ZNF382: variants seen among roughly 807,000 people sequenced by gnomAD.
The protein encoded by ZNF382 is KRAB/zinc finger suppressor protein 1.
In ZNF382, 20 loss-of-function variants were observed where a neutral mutation model predicts 38.8. The observed-to-expected ratio is 0.51, with a 90% CI of 0.36 to 0.75. The LOEUF is 0.75. Among genes scored for constraint, ZNF382 ranks in the 30% least tolerant of loss-of-function variants. The pLI, the probability that ZNF382 is intolerant of heterozygous loss-of-function variation, is 0.00. For synonymous variants in ZNF382, 202 were observed against 223.1 expected, an observed-to-expected ratio of 0.91 and a Z score of 0.84; for missense variants, 546 against 654.1, an observed-to-expected ratio of 0.83 and a Z score of 1.80.
chr19:36,628,161 T>C lies in ZNF382; in HGVS notation c.*611T>C, dbSNP rs917914248. The stretch of plus-strand genomic sequence containing the variant: ...TGTGGCAGAAGTTTATTTATTTTTA[T>C]CCAGTATAGAATTCAATTATATGAT... On this transcript the variant is annotated 3_prime_UTR_variant, in exon 5 of 5. Coordinates refer to ENST00000292928, the MANE Select transcript of ZNF382 (RefSeq NM_032825.5). 1 of 152,384 alleles carries C rather than the reference T, an allele frequency of 6.6e-6. No homozygotes were observed. Among genetic ancestry groups the C allele is most frequent in the African/African-American group, 2.4e-5 (1 of 41,450 alleles). The allele number at this position is 152,384 out of a possible 1,614,324, so 9.4% of individuals were successfully genotyped here. A position where few individuals can be genotyped will look rare whatever the true frequency, so the allele number is the denominator to read the frequency against.
rs898110581 is a variant in ZNF382, at chr19:36,630,158, C to T, written c.*2608C>T. On this transcript the variant is annotated 3_prime_UTR_variant, in exon 5 of 5. Coordinates refer to ENST00000292928, the MANE Select transcript of ZNF382 (RefSeq NM_032825.5). ...GGCAGTAAATCATATTCATCATATA[C>T]TTCCCAATTTTGCACACACAAAAAA... The T allele has an allele frequency of 6.6e-6, 1 of 152,016 alleles. No individual in the cohort carries two copies. The highest frequency in any genetic ancestry group is 2.4e-5 in the African/African-American group (1 of 41,376). 9.4% of individuals were successfully genotyped at this position (152,016 alleles called of 1,614,324 possible).
intron 4 of ZNF382, among the ~76,000 whole-genome samples, chr19:36,619,306 AT>A (rs1253914242): frequency 6.6e-6 from 1 of 152,232 alleles, no homozygotes; most frequent in African/African-American, 2.4e-5. Flanking sequence ...CAAAGAAGCC[AT>A]CTCTACCTTT....
intron 4 of ZNF382, among the ~76,000 whole-genome samples, chr19:36,619,330 AG>A (rs1432560948): frequency 6.6e-6 from 1 of 152,176 alleles, no homozygotes; most frequent in Non-Finnish European, 1.5e-5. Flanking sequence ...GGCTGAGTGA[AG>A]GGGGTTGTGA....
chr19:36,610,622 G>C, intron 3 of ZNF382, 28 bp from the exon 4 acceptor site: 1 of 1,590,716 alleles, frequency 6.3e-7, no homozygotes, highest in South Asian at 1.1e-5. Flanking sequence ...AAACAGCTTA[G>C]ACCAAAAGTC....
At chr19:36,621,619 A>AC (rs1568630792) in intron 4 of ZNF382, among the ~76,000 whole-genome samples, 2 of 147,936 alleles carry the variant, frequency 1.4e-5, no homozygotes, top group African/African-American at 5.1e-5. Flanking sequence ...CACACACACA[A>AC]AATACAAATA....
intron 4 of ZNF382, among the ~76,000 whole-genome samples, chr19:36,614,012 C>A (rs1324739005): frequency 1.3e-5 from 2 of 152,212 alleles, no homozygotes; most frequent in East Asian, 3.9e-4. Context: ...GTCTGGAAGT[C>A]AGTTAGCGTA....
At chr19:36,614,299 C>T (rs1214437285) in intron 4 of ZNF382, among the ~76,000 whole-genome samples, 2 of 152,120 alleles carry the variant, frequency 1.3e-5, no homozygotes, top group African/African-American at 4.8e-5. Flanking sequence ...AAGACCGCGC[C>T]ATTGCACTCC....
chr19:36,626,292 T>C lies in ZNF382; in HGVS notation c.395T>C (p.Ile132Thr). 6.2e-7 allele frequency: 1 copy of C among 1,600,166 alleles called. No individual in the cohort carries two copies. Reference protein sequence around the residue: ...TLGKNRISKTILCEYKPDGKV... With the variant: ...TLGKNRISKTTLCEYKPDGKV... ...GGCAAGAACCGTATTTCAAAAACAA[T>C]ACTATGTGAATATAAACCTGATGGA... Residue 132 changes from isoleucine to threonine, a missense_variant, in exon 5 of 5, where the codon ATA becomes ACA. Coordinates refer to ENST00000292928, the MANE Select transcript of ZNF382 (RefSeq NM_032825.5).
rs1316532623 is a variant in ZNF382, at chr19:36,632,225, G to A, written c.*4675G>A. 1 of 152,186 alleles carries A rather than the reference G, an allele frequency of 6.6e-6. No homozygotes were observed. Among genetic ancestry groups the A allele is most frequent in the Non-Finnish European group, 1.5e-5 (1 of 68,100 alleles). The allele number at this position is 152,186 out of a possible 1,614,324, so 9.4% of individuals were successfully genotyped here. A position where few individuals can be genotyped will look rare whatever the true frequency, so the allele number is the denominator to read the frequency against. On this transcript the variant is annotated 3_prime_UTR_variant, in exon 5 of 5. Transcript: ENST00000292928. ...GTTTTTTGAGACAGAGTCTTGCTCTGTCACCCAGGCTGGAGTGCAATGGTG... is the reference window on the plus strand; with the variant it reads ...GTTTTTTGAGACAGAGTCTTGCTCTATCACCCAGGCTGGAGTGCAATGGTG...
intron 4 of ZNF382, among the ~76,000 whole-genome samples, chr19:36,618,759 C>A (rs542861881): frequency 6.6e-6 from 1 of 152,188 alleles, no homozygotes; most frequent in African/African-American, 2.4e-5. Context: ...AGATGTCAGC[C>A]GGGCACAGTG....
chr19:36,620,286 G>A (rs1009844591), intron 4 of ZNF382, among the ~76,000 whole-genome samples: 3 of 152,088 alleles, frequency 2.0e-5, no homozygotes, highest in African/African-American at 7.2e-5. Context: ...ATAATGCTGA[G>A]CATCATTCTT....
chr19:36,610,193 C>T (rs1390849355), intron 3 of ZNF382, 140 bp downstream of exon 3: 10 of 1,062,968 alleles, frequency 9.4e-6, no homozygotes, highest in African/African-American at 4.9e-5. Context: ...CAGTGGCTCA[C>T]GCCTGTAATC....
chr19:36,607,901 C>T (rs1263173096), intron 2 of ZNF382: 3 of 390,358 alleles, frequency 7.7e-6, no homozygotes, highest in Admixed American at 8.2e-5. Context: ...ACCAAATCAA[C>T]TTAAGCCTTC....
intron 4 of ZNF382, among the ~76,000 whole-genome samples, chr19:36,625,678 G>T (rs978237033): frequency 6.6e-6 from 1 of 151,890 alleles, no homozygotes; most frequent in Non-Finnish European, 1.5e-5. Flanking sequence ...TCCTGCCTCA[G>T]CCTCCTGAGT....
rs139077688 is a variant in ZNF382 at position 36,629,947 on chromosome 19, G to A, written c.*2397G>A. 1 of 151,966 alleles carries A rather than the reference G, an allele frequency of 6.6e-6. No homozygotes were observed. Among genetic ancestry groups the A allele is most frequent in the Admixed American group, 6.6e-5 (1 of 15,232 alleles). 9.4% of individuals were successfully genotyped at this position (151,966 alleles called of 1,614,324 possible). Reference sequence around the variant, plus strand: ...CTCATAAATAAATAAATACATAAAGGTGTAAATATATGGATTCTAGAGTCA... The same window carrying A: ...CTCATAAATAAATAAATACATAAAGATGTAAATATATGGATTCTAGAGTCA... On this transcript the variant is annotated 3_prime_UTR_variant, in exon 5 of 5. Coordinates refer to ENST00000292928, the MANE Select transcript of ZNF382 (RefSeq NM_032825.5).
chr19:36,616,503 T>C (rs1215238626), intron 4 of ZNF382, among the ~76,000 whole-genome samples: 1 of 152,222 alleles, frequency 6.6e-6, no homozygotes, highest in Non-Finnish European at 1.5e-5. Flanking sequence ...TTCTAAAATG[T>C]TAGCCAGGAG....
At chr19:36,618,543 A>G (rs888632169) in intron 4 of ZNF382, among the ~76,000 whole-genome samples, 2 of 152,182 alleles carry the variant, frequency 1.3e-5, no homozygotes, top group African/African-American at 2.4e-5. Flanking sequence ...CTGGAGATCT[A>G]TCTCTTCTGT....
intron 4 of ZNF382, among the ~76,000 whole-genome samples, chr19:36,614,243 G>T (rs2037103096): frequency 6.6e-6 from 1 of 152,168 alleles, no homozygotes; most frequent in Non-Finnish European, 1.5e-5. Flanking sequence ...GGGAGGCTGA[G>T]GCAGGAGAAT....
intron 4 of ZNF382, among the ~76,000 whole-genome samples, chr19:36,618,980 C>A (rs772696483): frequency 1.3e-5 from 2 of 152,088 alleles, no homozygotes; most frequent in African/African-American, 4.8e-5. Context: ...GGAGGTAGAT[C>A]GCGCCACTGC....
Sources: allele counts gnomAD v4.1 joint callset (sites outside exome capture counted in the v4.1 genomes callset), GRCh38; gene constraint gnomAD v4.1.1; transcripts MANE v1.5; gene names NCBI Gene and HGNC (gene_info 2026-07-23, HGNC 2026-07-21).